CENPP: variants seen among roughly 807,000 people sequenced by gnomAD.
The protein encoded by CENPP is centromere protein P.
CENPP carries 24 observed loss-of-function variants against 35.6 expected under a neutral mutation model. That is an observed-to-expected ratio of 0.67 (90% CI 0.49 to 0.95). CENPP has a LOEUF of 0.95. Ranked by LOEUF, CENPP falls within the 40% of genes least tolerant of loss-of-function variation. CENPP has a pLI of 0.00. For synonymous variants in CENPP, 120 were observed against 125.5 expected (o/e 0.96, Z 0.29); for missense variants, 332 against 345.3 (o/e 0.96, Z 0.31).
chr9:92,374,124 A>C (rs1239727265), intron 4 of CENPP, among the ~76,000 whole-genome samples: 2 of 151,308 alleles, frequency 1.3e-5, no homozygotes, highest in African/African-American at 4.9e-5. Context: ...GTGACCAAAA[A>C]AAAAAAAAAA....
intron 5 of CENPP, chr9:92,522,845 A>G: frequency 5.0e-6 from 8 of 1,606,560 alleles, no homozygotes; most frequent in Non-Finnish European, 6.8e-6. Context: ...AGAAAAAAAC[A>G]AAACAAAACT....
intron 5 of CENPP, among the ~76,000 whole-genome samples, chr9:92,520,974 T>C (rs1848031308): frequency 6.6e-6 from 1 of 152,190 alleles, no homozygotes; most frequent in African/African-American, 2.4e-5. Flanking sequence ...ATGGGGAGTT[T>C]AGGTACAGAG....
At chr9:92,413,915 G>A (rs1843513963) in intron 5 of CENPP, among the ~76,000 whole-genome samples, 2 of 152,128 alleles carry the variant, frequency 1.3e-5, no homozygotes. Flanking sequence ...AAAAAGACTT[G>A]CAAGCTTGAA....
At chr9:92,528,389 G>C (rs1259816333) in intron 5 of CENPP, among the ~76,000 whole-genome samples, 1 of 152,166 alleles carries the variant, frequency 6.6e-6, no homozygotes, top group Non-Finnish European at 1.5e-5. Flanking sequence ...AAAGAGACTA[G>C]TGTTCCTAGG....
chr9:92,356,699 T>C (rs1267124360), intron 4 of CENPP, among the ~76,000 whole-genome samples: 1 of 152,254 alleles, frequency 6.6e-6, no homozygotes, highest in African/African-American at 2.4e-5. Context: ...TAAGAAATTA[T>C]AAAAGTATTG....
intron 5 of CENPP, chr9:92,416,792 A>C: frequency 6.2e-7 from 1 of 1,613,880 alleles, no homozygotes; most frequent in South Asian, 1.1e-5. Flanking sequence ...AAGTTTTGGA[A>C]GTTTGTCGAA....
intron 5 of CENPP, among the ~76,000 whole-genome samples, chr9:92,504,277 G>A (rs988862710): frequency 3.9e-5 from 6 of 152,224 alleles, no homozygotes; most frequent in Admixed American, 2.0e-4. Flanking sequence ...ATAAATGTCA[G>A]TGTTACATAA....
chr9:92,369,494 AACTC>A (rs1841961533), intron 4 of CENPP, among the ~76,000 whole-genome samples: 1 of 152,078 alleles, frequency 6.6e-6, no homozygotes, highest in Non-Finnish European at 1.5e-5. Context: ...GCATTTGAAA[AACTC>A]ACTCAAGGGC....
intron 5 of CENPP, among the ~76,000 whole-genome samples, chr9:92,558,328 G>C (rs1849771742): frequency 6.6e-6 from 1 of 152,258 alleles, no homozygotes; most frequent in South Asian, 2.1e-4. Context: ...TGTCCCATGG[G>C]GTGTTCCCTT....
At chr9:92,558,590 A>C (rs192762824) in intron 5 of CENPP, among the ~76,000 whole-genome samples, 2 of 151,956 alleles carry the variant, frequency 1.3e-5, no homozygotes, top group Admixed American at 1.3e-4. Context: ...TTGGTGATTT[A>C]ATTATCTATT....
rs1039373795 is a variant in CENPP, at chr9:92,449,913, T to C, written c.564+70054T>C. 3.0e-4 allele frequency among the ~76,000 whole-genome samples: 45 copies of C among 152,144 alleles called. 1 individual carries two copies. The highest frequency in any genetic ancestry group is 5.9e-5 in the Non-Finnish European group (4 of 68,026). On this transcript the variant is annotated intron_variant, in intron 5 of 7. Coordinates refer to ENST00000375587, the MANE Select transcript of CENPP (RefSeq NM_001012267.3). ...TGTTTATAAATTACCCAGTGTCAGG[T>C]ATTTCTTTATAGCAGTGTGAGAATG...
intron 3 of CENPP, among the ~76,000 whole-genome samples, chr9:92,343,826 G>C (rs540897645): frequency 1.3e-5 from 2 of 151,882 alleles, no homozygotes; most frequent in Admixed American, 1.3e-4. Context: ...AGCCAGGCTT[G>C]GTTACTTACA....
intron 5 of CENPP, among the ~76,000 whole-genome samples, chr9:92,388,692 C>T (rs548426070): frequency 2.0e-5 from 3 of 151,714 alleles, no homozygotes; most frequent in South Asian, 4.2e-4. Context: ...ATTAGCCGGG[C>T]GTGGTGGTGT....
intron 4 of CENPP, among the ~76,000 whole-genome samples, chr9:92,359,963 A>G (rs1841702075): frequency 6.6e-6 from 1 of 152,080 alleles, no homozygotes; most frequent in Non-Finnish European, 1.5e-5. Flanking sequence ...CCCTTCTCCA[A>G]GCCTTTGCCT....
chr9:92,611,262 C>T, intron 5 of CENPP, 52 bp from the exon 6 acceptor site: 2 of 1,460,700 alleles, frequency 1.4e-6, no homozygotes, highest in South Asian at 1.1e-5. Context: ...CCTCCCATGG[C>T]CCCTTTCTCC....
chr9:92,474,750 CAT>C lies in CENPP; in HGVS notation c.564+94892_564+94893del, dbSNP rs1845650306. On this transcript the variant is annotated intron_variant, in intron 5 of 7. Coordinates refer to ENST00000375587, the MANE Select transcript of CENPP (RefSeq NM_001012267.3). ...GGAAAAAGAGAGTTGTCCTCATCAT[CAT>C]CATCATCATCATCATCATCATCATC... 3.9e-6 allele frequency: 6 copies of C among 1,547,574 alleles called. No homozygotes were observed. In the African/African-American group the frequency reaches 6.7e-5, roughly 17 times the overall value.
chr9:92,549,249 G>T (rs932726636), intron 5 of CENPP, among the ~76,000 whole-genome samples: 1 of 152,156 alleles, frequency 6.6e-6, no homozygotes, highest in African/African-American at 2.4e-5. Flanking sequence ...CAAGCAGGCC[G>T]ATTTGGACTT....
intron 5 of CENPP, among the ~76,000 whole-genome samples, chr9:92,574,782 C>G (rs1850238189): frequency 6.6e-6 from 1 of 152,146 alleles, no homozygotes; most frequent in Admixed American, 6.5e-5. Context: ...TCAAAAAGAA[C>G]AAAGCTGGAG....
chr9:92,532,029 A>ATTTTTTTTTTTTTTTTTTTTTTTTTTT (rs201461115), intron 5 of CENPP, among the ~76,000 whole-genome samples: 11 of 91,040 alleles, frequency 1.2e-4, no homozygotes, highest in Non-Finnish European at 1.9e-4. Context: ...TTTTTTTTTT[A>ATTTTTTTTTTTTTTTTTTTTTTTTTTT]TTTTATTTTT....
Sources: allele counts gnomAD v4.1 joint callset (sites outside exome capture counted in the v4.1 genomes callset), GRCh38; gene constraint gnomAD v4.1.1; transcripts MANE v1.5; gene names NCBI Gene and HGNC (gene_info 2026-07-23, HGNC 2026-07-21).